Variants in RYR3 observed in about 807,000 individuals in gnomAD.
The protein encoded by RYR3 is ryanodine receptor 3.
RYR3 carries 207 observed loss-of-function variants against 584.3 expected under a neutral mutation model. The observed-to-expected ratio is 0.35, with a 90% CI of 0.32 to 0.40. The LOEUF (loss-of-function observed/expected upper bound fraction) is 0.40, where lower values mean the gene tolerates loss of function less well. Among genes scored for constraint, RYR3 ranks in the 10% least tolerant of loss-of-function variants. The probability of loss-of-function intolerance (pLI) is 1.00; values close to 1 mark genes in which losing one functional copy is unlikely to be tolerated. For synonymous variants in RYR3, 2,416 were observed against 2,248.5 expected, an observed-to-expected ratio of 1.07 and a Z score of -2.11; for missense variants, 5,616 against 6,089.2, an observed-to-expected ratio of 0.92 and a Z score of 2.59.
In RYR3 at chr15:33,377,333, G is replaced by A. The variant is rs1163953109; in HGVS notation, c.51+66237G>A. 2.6e-5 allele frequency among the ~76,000 whole-genome samples: 4 copies of A among 152,180 alleles called. No homozygotes were observed. The East Asian group carries it at 7.7e-4, about 29-fold the overall frequency. On this transcript the variant is annotated intron_variant, in intron 1 of 103. Transcript: ENST00000634891. ...CCCTGGCTGCTTCCATCTGATATCT[G>A]TGCCATCTGGAACTTGTGCCTTCCA...
rs1451724113 is a variant in RYR3, at chr15:33,763,918, C to T, written c.8706-4740C>T. Among the ~76,000 whole-genome samples the T allele has an allele frequency of 3.8e-5, 3 of 78,092 alleles. No homozygotes were observed. In the East Asian group the frequency reaches 9.5e-4, roughly 25 times the overall value. The allele number at this position is 78,092 out of a possible 152,430, so 51.2% of individuals were successfully genotyped here. A position where few individuals can be genotyped will look rare whatever the true frequency, so the allele number is the denominator to read the frequency against. On this transcript the variant is annotated intron_variant, in intron 60 of 103. Coordinates refer to ENST00000634891, the MANE Select transcript of RYR3 (RefSeq NM_001036.6). ...AAAAAAAAAAAAAAAAAAAAAAAAT[C>T]AGGAAACAACAGATGCTGGAGAGAG...
rs1270337382 is a variant in RYR3 at position 33,844,969 on chromosome 15, G to C, written c.13404G>C (p.Glu4468Asp). 1.9e-6 allele frequency: 3 copies of C among 1,614,002 alleles called. No homozygotes were observed. The South Asian group carries it at 3.3e-5, about 18-fold the overall frequency. ...EEAMVFFVLQESTGYMAPTLR... is the reference protein window; with the variant it reads ...EEAMVFFVLQDSTGYMAPTLR... ...CGATGGTATTCTTTGTCCTTCAGGA[G>C]AGCACCGGGTATATGGCACCAACCC... is the stretch of plus-strand genomic sequence containing the variant. The change falls in exon 93 of 104, where the codon GAG (glutamate) becomes GAC (aspartate). Residue 4468 changes from glutamate (E) to aspartate (D), a missense_variant. Physicochemically the swap from Glu to Asp is conservative, Grantham distance 45 (BLOSUM62 2). This residue lies in a region of RYR3 where 918 missense variants were observed against 887.4 expected (regional missense o/e 1.03). Coordinates refer to ENST00000634891, the MANE Select transcript of RYR3 (RefSeq NM_001036.6).
At chr15:33,474,622 G>C (rs2049216223) in intron 2 of RYR3, among the ~76,000 whole-genome samples, 1 of 152,128 alleles carries the variant, frequency 6.6e-6, no homozygotes, top group Non-Finnish European at 1.5e-5. Flanking sequence ...ACGGCACTAT[G>C]GCCTAGCCAA....
intron 1 of RYR3, among the ~76,000 whole-genome samples, chr15:33,353,816 G>A (rs150444724): frequency 2.0e-4 from 31 of 152,052 alleles, no homozygotes; most frequent in Admixed American, 1.3e-4. Flanking sequence ...GCAGAAGAAG[G>A]CATCCTATAT....
At chr15:33,740,978 G>A (rs534865419) in intron 51 of RYR3, among the ~76,000 whole-genome samples, 23 of 152,366 alleles carry the variant, frequency 1.5e-4, no homozygotes, top group Non-Finnish European at 2.8e-4. Context: ...AAAGAAGGCA[G>A]GTGCTGACTT....
intron 60 of RYR3, among the ~76,000 whole-genome samples, chr15:33,765,794 A>G (rs1347720283): frequency 6.6e-6 from 1 of 152,228 alleles, no homozygotes; most frequent in Non-Finnish European, 1.5e-5. Flanking sequence ...TGAAACACTT[A>G]GCATTGAGCA....
intron 32 of RYR3, among the ~76,000 whole-genome samples, chr15:33,654,508 C>G (rs2062707013): frequency 1.1e-5 from 1 of 90,360 alleles, no homozygotes; most frequent in Non-Finnish European, 2.5e-5. Context: ...AAGACCCTGT[C>G]TTAAAAAAAA....
intron 8 of RYR3, among the ~76,000 whole-genome samples, chr15:33,545,645 A>G (rs1349105332): frequency 1.3e-5 from 2 of 152,128 alleles, no homozygotes; most frequent in Non-Finnish European, 2.9e-5. Context: ...CCTTGGTGTT[A>G]TTTGATGTCT....
intron 67 of RYR3, among the ~76,000 whole-genome samples, chr15:33,798,127 C>A (rs2075729393): frequency 6.6e-6 from 1 of 151,910 alleles, no homozygotes; most frequent in Non-Finnish European, 1.5e-5. Flanking sequence ...TGCTCTGTGG[C>A]CCAGGCTGGA....
intron 32 of RYR3, among the ~76,000 whole-genome samples, chr15:33,656,799 G>GC (rs34497611): frequency 8.5e-5 from 13 of 152,150 alleles, no homozygotes; most frequent in Admixed American, 7.9e-4. Flanking sequence ...TTTACACGTG[G>GC]CCCCCTCCAT....
At chr15:33,794,645 CAGAG>C (rs2075482071) in intron 67 of RYR3, among the ~76,000 whole-genome samples, 1 of 152,086 alleles carries the variant, frequency 6.6e-6, no homozygotes, top group Non-Finnish European at 1.5e-5. Flanking sequence ...ATGGCAATGT[CAGAG>C]AGTCTTTGAG....
At chr15:33,778,787 A>AT (rs2074193970) in intron 64 of RYR3, among the ~76,000 whole-genome samples, 1 of 152,186 alleles carries the variant, frequency 6.6e-6, no homozygotes, top group Non-Finnish European at 1.5e-5. Flanking sequence ...GCAGTCAAAC[A>AT]TTTATCCAAA....
In RYR3 at chr15:33,465,540, G is replaced by A. The variant is rs143374582; in HGVS notation, c.52-7879G>A. On this transcript the variant is annotated intron_variant, in intron 1 of 103. Coordinates refer to ENST00000634891, the MANE Select transcript of RYR3 (RefSeq NM_001036.6). ...TTTTGCTTTGCGTTTCAAGATGGGC[G>A]TTTTTTAGGACCTTGTAGGCCATAG... 1.6e-3 allele frequency among the ~76,000 whole-genome samples: 241 copies of A among 152,110 alleles called. 1 individual carries two copies. The highest frequency in any genetic ancestry group is 5.5e-3 in the African/African-American group (230 of 41,510).
At chr15:33,738,317 A>G in intron 49 of RYR3, 133 bp from the exon 50 acceptor site, 1 of 888,740 alleles carries the variant, frequency 1.1e-6, no homozygotes, top group Non-Finnish European at 1.7e-6. Flanking sequence ...GCCTCTTTGT[A>G]GACAGCCCAG....
intron 3 of RYR3, among the ~76,000 whole-genome samples, chr15:33,522,002 C>T (rs1443674148): frequency 6.6e-6 from 1 of 151,592 alleles, no homozygotes; most frequent in African/African-American, 2.4e-5. Context: ...GCCTGTAATC[C>T]CAGCACTTTG....
intron 93 of RYR3, 127 bp from the exon 94 acceptor site, chr15:33,848,164 C>T (rs2078844651): frequency 8.5e-7 from 1 of 1,179,260 alleles, no homozygotes; most frequent in Non-Finnish European, 1.2e-6. Context: ...CAACTAGGCA[C>T]TCTAAGAATT....
At chr15:33,553,431 C>T (rs2056833173) in intron 10 of RYR3, among the ~76,000 whole-genome samples, 1 of 152,116 alleles carries the variant, frequency 6.6e-6, no homozygotes, top group African/African-American at 2.4e-5. Flanking sequence ...AGGAAGATGG[C>T]AGGTGCCCCA....
intron 1 of RYR3, among the ~76,000 whole-genome samples, chr15:33,437,188 A>G (rs902973174): frequency 2.6e-5 from 4 of 151,960 alleles, no homozygotes; most frequent in Non-Finnish European, 1.5e-5. Context: ...AAATAGAAAA[A>G]AAATAGTGGC....
At position 33,726,300 on chromosome 15, in the gene RYR3, G is replaced by A. The variant is rs558142124; in HGVS notation, c.6913-86G>A. On this transcript the variant is annotated intron_variant, in intron 45 of 103. Coordinates refer to ENST00000634891, the MANE Select transcript of RYR3 (RefSeq NM_001036.6). ...AGAAATGGACCCCTGCCCTTAAGCC[G>A]TTTTACTGCCAGAGGTTTGGAGGTG... is the stretch of plus-strand genomic sequence containing the variant. 56 of 1,517,348 alleles carry A rather than the reference G, an allele frequency of 3.7e-5. No individual in the cohort carries two copies. In the South Asian group the frequency reaches 4.7e-4, roughly 13 times the overall value. The allele number at this position is 1,517,348 out of a possible 1,614,324, so 94.0% of individuals were successfully genotyped here.
Sources: gnomAD v4.1 joint callset for allele counts (sites outside exome capture counted in the v4.1 genomes callset) on GRCh38, gnomAD v4.1.1 for gene constraint, gnomAD v4.1.1 regional missense constraint, MANE v1.5 for transcripts, NCBI Gene and HGNC (gene_info 2026-07-23, HGNC 2026-07-21) for gene names.